METTL2B: variants seen among roughly 807,000 people sequenced by gnomAD.
METTL2B encodes the protein tRNA N(3)-cytidine methyltransferase METTL2B.
In METTL2B, 28 loss-of-function variants were observed where a neutral mutation model predicts 51.0. That is an observed-to-expected ratio of 0.55 (90% CI 0.41 to 0.75). METTL2B has a LOEUF of 0.75. Among genes scored for constraint, METTL2B ranks in the 30% least tolerant of loss-of-function variants. The pLI is 0.00. For missense variants in METTL2B, 313 were observed against 460.7 expected, an observed-to-expected ratio of 0.68 and a Z score of 2.93; for synonymous variants, 128 against 166.3, an observed-to-expected ratio of 0.77 and a Z score of 1.77.
chr7:128,477,254 G>A lies in METTL2B; in HGVS notation c.202+81G>A, dbSNP rs940859584. Reference sequence around the variant, plus strand: ...CCTCCCGGAGAGGCCAGGGAACCGCGGCCGCCCACATCCTTTATTCCTGGC... The same window carrying A: ...CCTCCCGGAGAGGCCAGGGAACCGCAGCCGCCCACATCCTTTATTCCTGGC... On this transcript the variant is annotated intron_variant, in intron 2 of 8. Coordinates refer to ENST00000262432, the MANE Select transcript of METTL2B (RefSeq NM_018396.3). 2.5e-5 allele frequency: 39 copies of A among 1,571,564 alleles called. No homozygotes were observed. In the Admixed American group the frequency reaches 7.3e-4, roughly 29 times the overall value.
chr7:128,492,706 T>A (rs1267955185), intron 5 of METTL2B, among the ~76,000 whole-genome samples: 2 of 151,994 alleles, frequency 1.3e-5, no homozygotes, highest in African/African-American at 4.8e-5. Flanking sequence ...AAGCTCCGCC[T>A]CCCGGGTTCA....
In METTL2B at chr7:128,500,950, G is replaced by A. The variant is rs1451933725; in HGVS notation, c.964G>A (p.Val322Ile). ...CTATGTGAGAGGTGATGGAACCAGA[G>A]TTTACTTCTTCACACAAGGTATGAA... ...NFYVRGDGTR[V>I]YFFTQEELDT... The change falls in exon 8 of 9, where the codon GTT becomes ATT. Residue 322 changes from valine (V) to isoleucine (I), a missense_variant. By Grantham distance (29) the Val-to-Ile change is conservative. Around this residue, in one of 4 missense-constraint regions of METTL2B, gnomAD observed 138 missense variants for 187.6 expected, o/e 0.74. Transcript: ENST00000262432. 6.2e-7 allele frequency: 1 copy of A among 1,614,170 alleles called. No individual in the cohort carries two copies. Among genetic ancestry groups the A allele is most frequent in the Admixed American group, 1.7e-5 (1 of 60,018 alleles).
chr7:128,498,946 G>A (rs539012869), intron 7 of METTL2B, among the ~76,000 whole-genome samples: 6 of 150,166 alleles, frequency 4.0e-5, no homozygotes, highest in Non-Finnish European at 7.4e-5. Context: ...GCAGTGAGCC[G>A]AGATCGCACC....
chr7:128,477,777 A>T (rs1169387346), intron 2 of METTL2B, among the ~76,000 whole-genome samples: 2 of 151,572 alleles, frequency 1.3e-5, no homozygotes, highest in Non-Finnish European at 2.9e-5. Context: ...ATTGTTCCAG[A>T]CAATTGAAGA....
intron 6 of METTL2B, 121 bp downstream of exon 6, chr7:128,494,064 C>A (rs1227351078): frequency 8.0e-6 from 10 of 1,254,324 alleles, no homozygotes; most frequent in Non-Finnish European, 1.1e-5. Flanking sequence ...ACGATCATGG[C>A]TCACTGCAGC....
intron 4 of METTL2B, among the ~76,000 whole-genome samples, chr7:128,486,115 G>A (rs879675927): frequency 8.5e-5 from 13 of 152,052 alleles, no homozygotes; most frequent in Non-Finnish European, 1.6e-4. Flanking sequence ...CCAACATGGC[G>A]AAACCCCATC....
intron 7 of METTL2B, among the ~76,000 whole-genome samples, chr7:128,500,041 A>C (rs1304792598): frequency 6.6e-6 from 1 of 152,096 alleles, no homozygotes; most frequent in East Asian, 1.9e-4. Context: ...TGTGCAAGGG[A>C]GTATTTTAAA....
chr7:128,488,725 C>T (rs1184494956), intron 5 of METTL2B: 7 of 304,232 alleles, frequency 2.3e-5, no homozygotes, highest in Non-Finnish European at 4.6e-5. Flanking sequence ...GGAAGAGTTT[C>T]ACCACGTTGC....
intron 2 of METTL2B, chr7:128,477,953 A>G (rs547131444): frequency 3.8e-5 from 17 of 450,378 alleles, no homozygotes; most frequent in Non-Finnish European, 6.7e-5. Flanking sequence ...TTATAGTTAA[A>G]GACACTTGGA....
intron 8 of METTL2B, 29 bp from the exon 9 acceptor site, chr7:128,501,733 G>A (rs1298147521): frequency 6.2e-7 from 1 of 1,610,922 alleles, no homozygotes. Context: ...AGGGGAAAAT[G>A]CATAAACATC....
rs562899117 is a variant in METTL2B, at chr7:128,482,435, T to C, written c.608+1739T>C. Among the ~76,000 whole-genome samples, 31 of 152,262 alleles carry C rather than the reference T, an allele frequency of 2.0e-4. 3 individuals are homozygous for C. The highest frequency in any genetic ancestry group is 7.2e-4 in the African/African-American group (30 of 41,538). ...TCCCAAAGTGCTGGGATTATATGTG[T>C]GAGCCGCCGCGCCCAGCCTGCTGAG... On this transcript the variant is annotated intron_variant, in intron 4 of 8. Coordinates refer to ENST00000262432, the MANE Select transcript of METTL2B (RefSeq NM_018396.3).
At position 128,505,783 on chromosome 7, in the gene METTL2B, G is replaced by A. The variant is rs1221918603; in HGVS notation, c.*3867G>A. On this transcript the variant is annotated 3_prime_UTR_variant, in exon 9 of 9. Transcript: ENST00000262432. ...TGTACAGAAAAGCTTTCTCATATCT[G>A]ATTTACTTGTCTCAATATGGACCCA... 1 of 152,124 alleles carries A rather than the reference G, an allele frequency of 6.6e-6. No homozygotes were observed. Among genetic ancestry groups the A allele is most frequent in the Non-Finnish European group, 1.5e-5 (1 of 68,032 alleles). The allele number at this position is 152,124 out of a possible 1,614,324, so 9.4% of individuals were successfully genotyped here.
chr7:128,486,262 C>T (rs1196577433), intron 4 of METTL2B, among the ~76,000 whole-genome samples: 1 of 151,762 alleles, frequency 6.6e-6, no homozygotes, highest in Non-Finnish European at 1.5e-5. Context: ...TATTGCACTC[C>T]AGCCTGGGTG....
chr7:128,495,143 G>A (rs186151163), intron 6 of METTL2B, among the ~76,000 whole-genome samples: 2,639 of 150,072 alleles, frequency 0.018, 77 homozygotes, highest in Admixed American at 0.078. Context: ...GGCTGGTCTC[G>A]AACTCCTGAC....
intron 2 of METTL2B, among the ~76,000 whole-genome samples, chr7:128,478,635 C>T (rs1037581118): frequency 6.3e-4 from 78 of 122,994 alleles, no homozygotes; most frequent in African/African-American, 2.3e-3. Flanking sequence ...GAGGCTGAGG[C>T]GGGTGGATCA....
At chr7:128,489,379 T>G (rs987939432) in intron 5 of METTL2B, among the ~76,000 whole-genome samples, 2 of 150,298 alleles carry the variant, frequency 1.3e-5, no homozygotes, top group African/African-American at 4.9e-5. Context: ...AAGGTTGCAG[T>G]GAGCCAAGAT....
chr7:128,491,069 CGCTT>C (rs1792819725), intron 5 of METTL2B, among the ~76,000 whole-genome samples: 1 of 148,860 alleles, frequency 6.7e-6, no homozygotes, highest in Non-Finnish European at 1.5e-5. Flanking sequence ...GCTGAAGAAT[CGCTT>C]GAACCCAGGA....
intron 4 of METTL2B, chr7:128,484,181 T>G (rs1792640256): frequency 6.6e-6 from 1 of 150,938 alleles, no homozygotes; most frequent in Non-Finnish European, 1.5e-5. Context: ...CTTTACAGCC[T>G]TTTTATGTTT....
intron 4 of METTL2B, among the ~76,000 whole-genome samples, chr7:128,487,634 G>A (rs1011938009): frequency 6.6e-6 from 1 of 152,146 alleles, no homozygotes; most frequent in Non-Finnish European, 1.5e-5. Flanking sequence ...ATGCATAGTG[G>A]GCTCTCAGTA....
Sources: allele counts gnomAD v4.1 joint callset (sites outside exome capture counted in the v4.1 genomes callset), GRCh38; gene constraint gnomAD v4.1.1; regional missense constraint gnomAD v4.1.1; transcripts MANE v1.5; gene names NCBI Gene and HGNC (gene_info 2026-07-23, HGNC 2026-07-21).